CUL4B: variants seen among roughly 807,000 people sequenced by gnomAD.
CUL4B encodes cullin 4B.
A neutral mutation model predicts 69.2 loss-of-function variants in CUL4B; 1 was observed. The observed-to-expected ratio is 0.01, with a 90% confidence interval of 0.01 to 0.07. The LOEUF is 0.07. Ranked by LOEUF, CUL4B falls within the 10% of genes least tolerant of loss-of-function variation. The probability of loss-of-function intolerance (pLI) is 1.00; values close to 1 mark genes in which losing one functional copy is unlikely to be tolerated. For synonymous variants in CUL4B, 237 were observed against 223.2 expected, an observed-to-expected ratio of 1.06 and a Z score of -0.55; for missense variants, 328 against 638.8, an observed-to-expected ratio of 0.51 and a Z score of 5.24.
intron 2 of CUL4B, among the ~76,000 whole-genome samples, chrX:120,573,129 T>A (rs28528673): frequency 0.043 from 4,811 of 111,717 alleles, 238 homozygotes; most frequent in African/African-American, 0.14. Flanking sequence ...ATTTGGTGCA[T>A]CACCTTCCTC....
chrX:120,553,992 G>A (rs1471042635), intron 2 of CUL4B, among the ~76,000 whole-genome samples: 1 of 111,337 alleles, frequency 9.0e-6, no homozygotes, highest in African/African-American at 3.3e-5. Flanking sequence ...TTCGCTAATG[G>A]TGTCTACTGA....
At chrX:120,554,730 G>C (rs1481516398) in intron 2 of CUL4B, among the ~76,000 whole-genome samples, 15 of 112,012 alleles carry the variant, frequency 1.3e-4, no homozygotes, top group Admixed American at 9.5e-5. Flanking sequence ...GGGTGGGACA[G>C]GGGTTTGGAG....
At chrX:120,541,268 G>A (rs1234704435) in intron 10 of CUL4B, among the ~76,000 whole-genome samples, 2 of 112,384 alleles carry the variant, frequency 1.8e-5, no homozygotes, top group Non-Finnish European at 3.8e-5. Flanking sequence ...GGGAGGCCAA[G>A]GCGGGTGGAT....
rs988056664 is a variant in CUL4B at position 120,544,156 on chromosome X, C to T, written c.1131G>A (p.Arg377=). The T allele has an allele frequency of 8.3e-6, 10 of 1,204,787 alleles. No individual in the cohort carries two copies. Among genetic ancestry groups the T allele is most frequent in the Non-Finnish European group, 1.1e-5 (10 of 890,873 alleles). The change falls in exon 7 of 20, where the codon CGG becomes CGA. Residue 377 remains arginine (R), a synonymous_variant. Coordinates refer to ENST00000371322, the MANE Select transcript of CUL4B (RefSeq NM_001079872.2). ...ATTTTTGGCCTTCAGCTGCATAGAG[C>T]CGGTTAGTTTCTTCCAAAAATCGTT... The part of the protein sequence containing the change: ...FEQRFLEETN[R]LYAAEGQKLM...
At chrX:120,566,972 C>T (rs1437941630), downstream of CUL4B, among the ~76,000 whole-genome samples, 1 of 110,949 alleles carries the variant, frequency 9.0e-6, no homozygotes, top group Admixed American at 9.6e-5. Context: ...ATATATTTGG[C>T]GAGCTGATGT....
At chrX:120,544,420 G>C in intron 6 of CUL4B, 61 bp downstream of exon 6, 1 of 1,125,691 alleles carries the variant, frequency 8.9e-7, no homozygotes. Flanking sequence ...TGTCTGATGT[G>C]GGGGGAAAAA....
intron 19 of CUL4B, among the ~76,000 whole-genome samples, chrX:120,527,557 T>C (rs1216206226): frequency 1.8e-5 from 2 of 111,205 alleles, no homozygotes; most frequent in Admixed American, 1.9e-4. Flanking sequence ...TGCCTGGTCC[T>C]GACTTTTTCA....
Position 120,542,955 on chromosome X carries a change from T to C in CUL4B, c.1324+11A>G, listed in dbSNP as rs763355711. On this transcript the variant is annotated intron_variant, in intron 9 of 19. Coordinates refer to ENST00000371322, the MANE Select transcript of CUL4B (RefSeq NM_001079872.2). ...TAAAAAGCAATCTCTTATTTACAAA[T>C]TGCCAATTACCTTTCTGAAGAATTG... 9.3e-6 allele frequency: 11 copies of C among 1,178,445 alleles called. No individual in the cohort carries two copies. Among genetic ancestry groups the C allele is most frequent in the Non-Finnish European group, 1.2e-5 (10 of 866,435 alleles).
At chrX:120,562,307 C>G (rs1384198721), upstream of CUL4B, among the ~76,000 whole-genome samples, 1 of 112,386 alleles carries the variant, frequency 8.9e-6, no homozygotes, top group Non-Finnish European at 1.9e-5. Flanking sequence ...TTTAAAAAAT[C>G]TTTAAGTTTG....
exon 1 of CUL4B, chrX:120,575,435 T>A (rs1925841417): frequency 8.9e-6 from 1 of 112,378 alleles, no homozygotes; most frequent in African/African-American, 3.2e-5. Flanking sequence ...CGTTGTGTTC[T>A]TCTATCTAAG....
intron 2 of CUL4B, among the ~76,000 whole-genome samples, chrX:120,554,907 C>A (rs980930977): frequency 1.8e-5 from 2 of 112,151 alleles, no homozygotes; most frequent in Admixed American, 1.9e-4. Context: ...AATAGCTTTA[C>A]CTCCTTTATC....
At chrX:120,561,167 G>T, upstream of CUL4B, 3 of 826,838 alleles carry the variant, frequency 3.6e-6, no homozygotes, top group Non-Finnish European at 5.0e-6. Context: ...CGCTGCAGCC[G>T]CCCGGGGGGC....
downstream of CUL4B, among the ~76,000 whole-genome samples, chrX:120,569,383 C>T (rs7049515): frequency 0.25 from 24,729 of 98,701 alleles, 2,585 homozygotes; most frequent in Admixed American, 0.36. Flanking sequence ...TTTTTTGAGA[C>T]GGAGTCTCGC....
At chrX:120,527,637 T>C (rs962441103) in intron 19 of CUL4B, among the ~76,000 whole-genome samples, 4 of 111,588 alleles carry the variant, frequency 3.6e-5, no homozygotes, top group African/African-American at 1.3e-4. Context: ...ACAAAATTCA[T>C]CTATGTTTCA....
chrX:120,550,285 T>C (rs1924610510), intron 2 of CUL4B, among the ~76,000 whole-genome samples: 1 of 112,405 alleles, frequency 8.9e-6, no homozygotes, highest in Non-Finnish European at 1.9e-5. Context: ...CATCTATCTA[T>C]AAGTTCTTTA....
chrX:120,533,979 T>C lies in CUL4B; in HGVS notation c.2266+502A>G, dbSNP rs750771460. Among the ~76,000 whole-genome samples, 30 of 110,160 alleles carry C rather than the reference T, an allele frequency of 2.7e-4. No individual in the cohort carries two copies. In the East Asian group the frequency reaches 4.3e-3, roughly 16 times the overall value. On this transcript the variant is annotated intron_variant, in intron 17 of 19. Transcript: ENST00000371322. ...TACTCGGGAGGCAGAGGCAGGAGAATTGCTTGAACACAGGAGGCAGAGGTT... is the reference window on the plus strand; with the variant it reads ...TACTCGGGAGGCAGAGGCAGGAGAACTGCTTGAACACAGGAGGCAGAGGTT...
chrX:120,550,896 A>C (rs1924649130), intron 2 of CUL4B, among the ~76,000 whole-genome samples: 1 of 111,679 alleles, frequency 9.0e-6, no homozygotes, highest in African/African-American at 3.3e-5. Context: ...GTAAAAAAGG[A>C]ACAAAATAAA....
In CUL4B at chrX:120,530,108, T is replaced by C; in HGVS notation, c.2586A>G (p.Pro862=). The change falls in exon 19 of 20, where the codon CCA becomes CCG. Residue 862 remains proline (P), a synonymous_variant. Transcript: ENST00000371322. ...AAAACACAGAAGTACCTACCTTTAC[T>C]GGAAATTTCAACTGGTTGTACACTT... ...VSEVYNQLKF[P]VKPADLKKRI... 16 of 1,210,197 alleles carry C rather than the reference T, an allele frequency of 1.3e-5. No homozygotes were observed. The highest frequency in any genetic ancestry group is 1.7e-5 in the Non-Finnish European group (15 of 894,206).
At chrX:120,555,597 TGACTCTG>T (rs1924914367) in intron 2 of CUL4B, among the ~76,000 whole-genome samples, 1 of 110,747 alleles carries the variant, frequency 9.0e-6, no homozygotes, top group Non-Finnish European at 1.9e-5. Context: ...TGCCAATATG[TGACTCTG>T]GGCAGGTTAT....
Sources: gnomAD v4.1 joint callset for allele counts (sites outside exome capture counted in the v4.1 genomes callset) on GRCh38, gnomAD v4.1.1 for gene constraint, MANE v1.5 for transcripts, NCBI Gene and HGNC (gene_info 2026-07-23, HGNC 2026-07-21) for gene names.